The following TCOF1 variants were observed in gnomAD, a reference collection of about 807,000 sequenced individuals.
TCOF1 encodes the protein treacle ribosome biogenesis factor 1, also known as treacle protein.
Under a neutral mutation model 149.0 loss-of-function variants are expected in TCOF1, and 33 were observed. The observed-to-expected ratio is 0.22, with a 90% CI of 0.17 to 0.30. The LOEUF is 0.30. Ranked by LOEUF, TCOF1 falls within the 10% of genes least tolerant of loss-of-function variation. TCOF1 has a pLI of 1.00. For synonymous variants in TCOF1, 789 were observed against 738.8 expected, an observed-to-expected ratio of 1.07 and a Z score of -1.10; for missense variants, 1,728 against 1,840.7, an observed-to-expected ratio of 0.94 and a Z score of 1.12.
rs1428458200 is a variant in TCOF1 at position 150,361,192 on chromosome 5, A to C, written c.145A>C (p.Ile49Leu). 9 of 1,614,046 alleles carry C rather than the reference A, an allele frequency of 5.6e-6. No individual in the cohort carries two copies. The Admixed American group carries it at 1.5e-4, about 27-fold the overall frequency. The change falls in exon 2 of 27, where the codon ATC (isoleucine) becomes CTC (leucine). Residue 49 changes from isoleucine to leucine, a missense_variant. Coordinates refer to ENST00000643257, the MANE Select transcript of TCOF1 (RefSeq NM_001371623.1). ...FLAQPVTLLDIYTHWQQTSEL... is the reference protein window; with the variant it reads ...FLAQPVTLLDLYTHWQQTSEL... ...GGCTCAGCCCGTAACCCTTCTGGAC[A>C]TCTATACACACTGGCAACAGTAAGT...
Position 150,384,627 on chromosome 5 carries a change from G to A in TCOF1, c.2860-3275G>A, listed in dbSNP as rs1765903927. On this transcript the variant is annotated intron_variant, in intron 17 of 26. Coordinates refer to ENST00000643257, the MANE Select transcript of TCOF1 (RefSeq NM_001371623.1). ...CTAACACAATTAAAATGAACATCCT[G>A]CTTAAACTGAACCATTTAATTGGTA... is the stretch of plus-strand genomic sequence containing the variant. The A allele has an allele frequency of 6.1e-6, 6 of 985,336 alleles. No individual in the cohort carries two copies. In the South Asian group the frequency reaches 1.9e-4, roughly 31 times the overall value. The allele number at this position is 985,336 out of a possible 1,614,324, so 61.0% of individuals were successfully genotyped here.
chr5:150,360,753 TAAAG>T (rs950441126), intron 1 of TCOF1, among the ~76,000 whole-genome samples: 2 of 149,248 alleles, frequency 1.3e-5, no homozygotes, highest in African/African-American at 5.0e-5. Flanking sequence ...TTTTTTTTTT[TAAAG>T]AAAGGGTCTT....
chr5:150,374,597 C>A lies in TCOF1; in HGVS notation c.1084-20C>A. 6.2e-7 allele frequency: 1 copy of A among 1,612,716 alleles called. No individual in the cohort carries two copies. Among genetic ancestry groups the A allele is most frequent in the South Asian group, 1.1e-5 (1 of 90,996 alleles). ...ACACGTCCATCCTCTGGGCTGTCTC[C>A]CCTTGTCTTGTTTCTCCAGGCGAAG... On this transcript the variant is annotated intron_variant, in intron 8 of 26. Coordinates refer to ENST00000643257, the MANE Select transcript of TCOF1 (RefSeq NM_001371623.1).
chr5:150,393,609 C>A (rs1011825548), intron 23 of TCOF1, 57 bp downstream of exon 23: 2 of 1,605,194 alleles, frequency 1.2e-6, no homozygotes, highest in Non-Finnish European at 1.7e-6. Context: ...GGGCAGTGGG[C>A]CCCTTCTTGC....
At chr5:150,369,727 C>A in intron 6 of TCOF1, 125 bp downstream of exon 6, 1 of 1,055,026 alleles carries the variant, frequency 9.5e-7, no homozygotes, top group Non-Finnish European at 1.4e-6. Context: ...TGACCAGGAG[C>A]TGGAAAGGCT....
chr5:150,370,369 T>C (rs1436439410), intron 6 of TCOF1, among the ~76,000 whole-genome samples: 1 of 152,150 alleles, frequency 6.6e-6, no homozygotes, highest in African/African-American at 2.4e-5. Context: ...AACATTGATC[T>C]TTTTTTAAGA....
chr5:150,376,764 T>G (rs1180457598), intron 14 of TCOF1, 144 bp downstream of exon 14: 1 of 827,312 alleles, frequency 1.2e-6, no homozygotes, highest in African/African-American at 1.7e-5. Flanking sequence ...TCCCTATCTT[T>G]CACTCCATGT....
At chr5:150,371,359 G>A (rs1392136126) in intron 6 of TCOF1, among the ~76,000 whole-genome samples, 4 of 152,148 alleles carry the variant, frequency 2.6e-5, no homozygotes, top group South Asian at 4.1e-4. Context: ...TTGCCAAAGG[G>A]AAGAAGACCA....
At chr5:150,369,127 C>T (rs988126074) in intron 5 of TCOF1, among the ~76,000 whole-genome samples, 11 of 152,352 alleles carry the variant, frequency 7.2e-5, no homozygotes, top group African/African-American at 2.6e-4. Flanking sequence ...GGAGCATTTT[C>T]TGCTTTATGA....
At chr5:150,378,091 A>G (rs1764224066) in intron 14 of TCOF1, among the ~76,000 whole-genome samples, 1 of 152,230 alleles carries the variant, frequency 6.6e-6, no homozygotes, top group Admixed American at 6.5e-5. Flanking sequence ...TACTTGGTCC[A>G]CACTGTAGGG....
chr5:150,370,747 A>G (rs1367401927), intron 6 of TCOF1, among the ~76,000 whole-genome samples: 8 of 152,212 alleles, frequency 5.3e-5, no homozygotes, highest in Admixed American at 5.2e-4. Context: ...CAGGAGGATC[A>G]TTTGAGGCCA....
chr5:150,361,633 G>T (rs1271398710), intron 2 of TCOF1, among the ~76,000 whole-genome samples: 2 of 152,240 alleles, frequency 1.3e-5, no homozygotes, highest in African/African-American at 4.8e-5. Flanking sequence ...TACAGTGGTA[G>T]TAAGGATTAC....
chr5:150,369,470 G>A (rs938116337), intron 5 of TCOF1, 59 bp from the exon 6 acceptor site: 1 of 1,599,092 alleles, frequency 6.3e-7, no homozygotes, highest in Admixed American at 1.7e-5. Context: ...GAGGTGCTGG[G>A]GAGGGGCAGG....
In TCOF1 at chr5:150,357,742, C is replaced by T. The variant is rs574618556; in HGVS notation, c.-5C>T. On this transcript the variant is annotated 5_prime_UTR_variant, in exon 1 of 27. Transcript: ENST00000643257. ...CAGGTAGCCGGCCGGCCGGGGGTCG[C>T]GGGTATGGCCGAGGCCAGGAAGCGG... The T allele has an allele frequency of 1.7e-5, 27 of 1,548,218 alleles. No homozygotes were observed. In the Admixed American group the frequency reaches 2.2e-4, roughly 12 times the overall value.
chr5:150,379,452 C>T, intron 16 of TCOF1, 44 bp downstream of exon 16: 1 of 1,614,108 alleles, frequency 6.2e-7, no homozygotes, highest in Non-Finnish European at 8.5e-7. Context: ...TGGGATGTAA[C>T]ACCTTTGCCA....
chr5:150,390,041 G>C lies in TCOF1; in HGVS notation c.3183+18G>C. The C allele has an allele frequency of 6.3e-7, 1 of 1,596,804 alleles. No homozygotes were observed. The highest frequency in any genetic ancestry group is 8.5e-7 in the Non-Finnish European group (1 of 1,171,610). ...CCACTCAGGTACCTGGTGGGCAAGGGAGGGTAATGCAGGCCAGTGGGGTGG... is the reference window on the plus strand; with the variant it reads ...CCACTCAGGTACCTGGTGGGCAAGGCAGGGTAATGCAGGCCAGTGGGGTGG... On this transcript the variant is annotated intron_variant, in intron 19 of 26. Coordinates refer to ENST00000643257, the MANE Select transcript of TCOF1 (RefSeq NM_001371623.1).
intron 2 of TCOF1, among the ~76,000 whole-genome samples, chr5:150,363,855 G>A (rs1017020889): frequency 9.2e-5 from 14 of 152,210 alleles, no homozygotes; most frequent in Non-Finnish European, 5.9e-5. Flanking sequence ...TTAAAGACTG[G>A]TAGCTGCTGC....
Position 150,398,369 on chromosome 5 carries a change from A to G in TCOF1, c.4361A>G (p.Glu1454Gly), listed in dbSNP as rs1561543582. 5 of 1,613,510 alleles carry G rather than the reference A, an allele frequency of 3.1e-6. No homozygotes were observed. Among genetic ancestry groups the G allele is most frequent in the Middle Eastern group, 1.7e-4 (1 of 6,048 alleles). Residue 1454 changes from glutamate (E) to glycine (G), a missense_variant, in exon 25 of 27, where the codon GAA becomes GGA. Coordinates refer to ENST00000643257, the MANE Select transcript of TCOF1 (RefSeq NM_001371623.1). ...KKSDKRKKDKEKKEKKKKAKK... is the reference protein window; with the variant it reads ...KKSDKRKKDKGKKEKKKKAKK... ...CTTCCCTTAGGAAAAAAAGACAAAG[A>G]AAAAAAAGAAAAGAAGAAGAAAGCA...
At chr5:150,361,534 A>C (rs1393984903) in intron 2 of TCOF1, among the ~76,000 whole-genome samples, 1 of 152,228 alleles carries the variant, frequency 6.6e-6, no homozygotes, top group East Asian at 1.9e-4. Context: ...GTCACAAGTG[A>C]GACAGACATG....
Sources: allele counts gnomAD v4.1 joint callset (sites outside exome capture counted in the v4.1 genomes callset), GRCh38; gene constraint gnomAD v4.1.1; transcripts MANE v1.5; gene names NCBI Gene and HGNC (gene_info 2026-07-23, HGNC 2026-07-21).